Variants in PICALM observed in about 807,000 individuals in gnomAD.
PICALM encodes the protein phosphatidylinositol-binding clathrin assembly protein.
Under a neutral mutation model 80.5 loss-of-function variants are expected in PICALM, and 40 were observed. The ratio of observed to expected loss-of-function variants is 0.50; its 90% CI spans 0.39 to 0.65. PICALM has a LOEUF of 0.65. PICALM is among the 30% of genes least tolerant of loss of function. The pLI, the probability that PICALM is intolerant of heterozygous loss-of-function variation, is 0.00. For missense variants in PICALM, 676 were observed against 778.9 expected (o/e 0.87, Z 1.57); for synonymous variants, 288 against 260.3 (o/e 1.11, Z -1.02).
chr11:86,060,212 C>A (rs2096337715), intron 1 of PICALM, among the ~76,000 whole-genome samples: 1 of 152,190 alleles, frequency 6.6e-6, no homozygotes, highest in African/African-American at 2.4e-5. Flanking sequence ...CCTAAAGGTG[C>A]ATTTTTTTAG....
intron 11 of PICALM, among the ~76,000 whole-genome samples, chr11:85,997,961 T>C (rs542948911): frequency 1.3e-5 from 2 of 152,094 alleles, no homozygotes; most frequent in South Asian, 2.1e-4. Context: ...TTTTGTCCTT[T>C]AGTAGAGACA....
chr11:85,998,262 C>G (rs1199232255), intron 11 of PICALM, among the ~76,000 whole-genome samples: 1 of 151,876 alleles, frequency 6.6e-6, no homozygotes, highest in Non-Finnish European at 1.5e-5. Context: ...CAGGCGCCTG[C>G]CACCACGCCC....
intron 13 of PICALM, among the ~76,000 whole-genome samples, chr11:85,985,180 G>A (rs1283385281): frequency 6.6e-6 from 1 of 152,092 alleles, no homozygotes; most frequent in African/African-American, 2.4e-5. Flanking sequence ...ATCTCACTTT[G>A]AATTCTTAAT....
At chr11:86,046,982 T>G (rs2096082982) in intron 1 of PICALM, among the ~76,000 whole-genome samples, 1 of 152,212 alleles carries the variant, frequency 6.6e-6, no homozygotes, top group Non-Finnish European at 1.5e-5. Flanking sequence ...TCCTTAGTCT[T>G]CCAATTTAAC....
intron 1 of PICALM, among the ~76,000 whole-genome samples, chr11:86,060,155 T>C (rs1263432835): frequency 6.6e-6 from 1 of 152,230 alleles, no homozygotes; most frequent in African/African-American, 2.4e-5. Context: ...CCCTTAGATC[T>C]AGTTCCTCTT....
chr11:85,975,316 T>A (rs1365913839), intron 18 of PICALM, among the ~76,000 whole-genome samples: 1 of 152,176 alleles, frequency 6.6e-6, no homozygotes, highest in Non-Finnish European at 1.5e-5. Context: ...AAGAAAGAGC[T>A]TAAACTACAA....
intron 1 of PICALM, among the ~76,000 whole-genome samples, chr11:86,040,008 A>G (rs2095926574): frequency 6.7e-6 from 1 of 149,592 alleles, no homozygotes; most frequent in Admixed American, 6.6e-5. Flanking sequence ...CGTCTCAAAA[A>G]AAAAAAAAAA....
chr11:86,015,267 A>T (rs2095462906), intron 4 of PICALM, among the ~76,000 whole-genome samples: 1 of 152,208 alleles, frequency 6.6e-6, no homozygotes, highest in African/African-American at 2.4e-5. Flanking sequence ...CACAAGATGA[A>T]ATGATCTGAT....
At chr11:85,962,832 C>T (rs994361685) in intron 19 of PICALM, among the ~76,000 whole-genome samples, 1 of 152,226 alleles carries the variant, frequency 6.6e-6, no homozygotes, top group African/African-American at 2.4e-5. Context: ...GCTGACTGCA[C>T]AGCTCCAAGG....
At chr11:85,960,687 A>G in intron 19 of PICALM, 2 of 1,302,656 alleles carry the variant, frequency 1.5e-6, no homozygotes, top group Non-Finnish European at 2.0e-6. Context: ...AAAGTGATTT[A>G]TAAGAAATCC....
intron 4 of PICALM, among the ~76,000 whole-genome samples, chr11:86,015,493 T>A (rs2095467398): frequency 6.6e-6 from 1 of 152,154 alleles, no homozygotes; most frequent in Admixed American, 6.5e-5. Flanking sequence ...TATTACAAAA[T>A]AAAGAACAAT....
At chr11:85,977,817 C>T (rs989863748) in intron 17 of PICALM, among the ~76,000 whole-genome samples, 1 of 152,166 alleles carries the variant, frequency 6.6e-6, no homozygotes, top group Admixed American at 6.5e-5. Flanking sequence ...CACAGATACA[C>T]ACACAGACAC....
chr11:85,971,305 C>G (rs1305507144), intron 19 of PICALM, among the ~76,000 whole-genome samples: 1 of 152,104 alleles, frequency 6.6e-6, no homozygotes, highest in African/African-American at 2.4e-5. Context: ...CACTTCTCTT[C>G]TGATATAAAG....
At position 86,022,580 on chromosome 11, in the gene PICALM, A is replaced by C. The variant is rs1593022859; in HGVS notation, c.350-111T>G. On this transcript the variant is annotated intron_variant, in intron 3 of 19. Coordinates refer to ENST00000393346, the MANE Select transcript of PICALM (RefSeq NM_007166.4). ...AACTCATTGCATCCAATGGCTATAA[A>C]ATGTCTTGATATCCCAATTCAATTT... 35 of 559,132 alleles carry C rather than the reference A, an allele frequency of 6.3e-5. No individual in the cohort carries two copies. The East Asian group carries it at 1.1e-3, about 17-fold the overall frequency. The allele number at this position is 559,132 out of a possible 1,614,324, so 34.6% of individuals were successfully genotyped here. A position where few individuals can be genotyped will look rare whatever the true frequency, so the allele number is the denominator to read the frequency against.
At chr11:86,059,935 T>C (rs974390417) in intron 1 of PICALM, among the ~76,000 whole-genome samples, 5 of 152,160 alleles carry the variant, frequency 3.3e-5, no homozygotes, top group African/African-American at 1.2e-4. Flanking sequence ...TTTAAGGCCT[T>C]TGGGAAAAAA....
At chr11:86,049,968 C>T (rs748145143) in intron 1 of PICALM, among the ~76,000 whole-genome samples, 3 of 151,668 alleles carry the variant, frequency 2.0e-5, no homozygotes, top group Non-Finnish European at 2.9e-5. Context: ...AGGAGGTCAA[C>T]GTGGGTGGAT....
At chr11:86,036,212 T>C (rs1324816172) in intron 1 of PICALM, among the ~76,000 whole-genome samples, 4 of 152,286 alleles carry the variant, frequency 2.6e-5, no homozygotes, top group East Asian at 3.9e-4. Flanking sequence ...AAATTAGACA[T>C]AGGCTAATCA....
At chr11:86,035,808 C>T (rs571515948) in intron 1 of PICALM, among the ~76,000 whole-genome samples, 1 of 151,470 alleles carries the variant, frequency 6.6e-6, no homozygotes, top group Admixed American at 6.6e-5. Context: ...ATTAGCCGGG[C>T]ATGGTGGCAC....
chr11:86,047,551 T>C (rs1018722038), intron 1 of PICALM, among the ~76,000 whole-genome samples: 4 of 152,256 alleles, frequency 2.6e-5, no homozygotes, highest in Non-Finnish European at 4.4e-5. Flanking sequence ...ACAGGTCTTA[T>C]ATGATGTTAC....
Sources: gnomAD v4.1 joint callset for allele counts (sites outside exome capture counted in the v4.1 genomes callset) on GRCh38, gnomAD v4.1.1 for gene constraint, MANE v1.5 for transcripts, NCBI Gene and HGNC (gene_info 2026-07-23, HGNC 2026-07-21) for gene names.